The following NOTCH1 variants were observed in gnomAD, a reference collection of about 807,000 sequenced individuals.
NOTCH1 encodes notch receptor 1, also known as neurogenic locus notch homolog protein 1.
NOTCH1 carries 37 observed loss-of-function variants against 254.8 expected under a neutral mutation model. The ratio of observed to expected loss-of-function variants is 0.15; its 90% confidence interval spans 0.11 to 0.19. The LOEUF is 0.19. Among genes scored for constraint, NOTCH1 ranks in the 10% least tolerant of loss-of-function variants. The pLI is 1.00. For synonymous variants in NOTCH1, 1,731 were observed against 1,618.1 expected, an observed-to-expected ratio of 1.07 and a Z score of -1.68; for missense variants, 2,972 against 3,708.6, an observed-to-expected ratio of 0.80 and a Z score of 5.16.
rs1455510244 is a variant in NOTCH1, at chr9:136,518,768, T to G, written c.922A>C (p.Asn308His). ...ECQLMPNACQ[N>H]GGTCHNTHGG... Reference sequence around the variant, plus strand: ...TGGGTGTTGTGGCAGGTCCCGCCGTTCTGGCAGGCATTTGGCATCAGCTGG... The same window carrying G: ...TGGGTGTTGTGGCAGGTCCCGCCGTGCTGGCAGGCATTTGGCATCAGCTGG... Residue 308 changes from asparagine to histidine, a missense_variant, in exon 6 of 34, where the codon AAC (asparagine) becomes CAC (histidine). Physicochemically the swap from Asn to His is moderately conservative, Grantham distance 68. Coordinates refer to ENST00000651671, the MANE Select transcript of NOTCH1 (RefSeq NM_017617.5). 3.1e-6 allele frequency: 5 copies of G among 1,612,894 alleles called. No homozygotes were observed. Among genetic ancestry groups the G allele is most frequent in the Non-Finnish European group, 4.2e-6 (5 of 1,179,992 alleles).
In NOTCH1 at chr9:136,513,302, T is replaced by C. The variant is rs1021764323; in HGVS notation, c.2353+90A>G. 8.2e-6 allele frequency: 13 copies of C among 1,586,882 alleles called. No homozygotes were observed. The highest frequency in any genetic ancestry group is 1.8e-4 in the Middle Eastern group (1 of 5,408). ...CACGGGAGGGAGACACCATGCATGG[T>C]GCTGGCTGGACCTGGGTCCCGATCC... On this transcript the variant is annotated intron_variant, in intron 14 of 33. Transcript: ENST00000651671. The surrounding 1 kb of genome is among the most constrained non-coding windows in gnomAD (Gnocchi z 4.7).
At chr9:136,528,808 C>CA (rs1465260216) in intron 2 of NOTCH1, among the ~76,000 whole-genome samples, 4 of 152,114 alleles carry the variant, frequency 2.6e-5, no homozygotes, top group African/African-American at 9.7e-5. Context: ...CCCCTGGCAG[C>CA]AGTGTGGTCC....
At chr9:136,508,484 G>A in intron 19 of NOTCH1, 99 bp from the exon 20 acceptor site, 8 of 1,542,962 alleles carry the variant, frequency 5.2e-6, no homozygotes, top group Non-Finnish European at 7.1e-6. Flanking sequence ...AACCCAGGCT[G>A]CAACCCATTC....
At chr9:136,522,379 C>G (rs568587375) in intron 4 of NOTCH1, among the ~76,000 whole-genome samples, 2 of 152,180 alleles carry the variant, frequency 1.3e-5, no homozygotes, top group South Asian at 4.1e-4. Flanking sequence ...ACACGGGGAT[C>G]GGGGAGCACT....
In NOTCH1 at chr9:136,496,389, G is replaced by T; in HGVS notation, c.7350C>A (p.Ser2450Arg). The change falls in exon 34 of 34, where the codon AGC (serine) becomes AGA (arginine). Residue 2450 changes from serine (S) to arginine (R), a missense_variant. This residue lies in a region of NOTCH1 where 529 missense variants were observed against 529.2 expected (regional missense o/e 1.00). Coordinates refer to ENST00000651671, the MANE Select transcript of NOTCH1 (RefSeq NM_017617.5). ...GGGGCAGAATAGTGTGCACCGCCAGGCTGCTGGGGCCCAGTGGCTGCACGT... is the reference window on the plus strand; with the variant it reads ...GGGGCAGAATAGTGTGCACCGCCAGTCTGCTGGGGCCCAGTGGCTGCACGT... ...QADVQPLGPS[S>R]LAVHTILPQE... The T allele has an allele frequency of 6.3e-7, 1 of 1,597,972 alleles. No individual in the cohort carries two copies. Among genetic ancestry groups the T allele is most frequent in the Non-Finnish European group, 8.5e-7 (1 of 1,178,272 alleles).
intron 15 of NOTCH1, among the ~76,000 whole-genome samples, chr9:136,512,631 G>A (rs879767113): frequency 8.5e-5 from 13 of 152,200 alleles, no homozygotes; most frequent in Non-Finnish European, 1.6e-4. Context: ...CAGGGTGGGC[G>A]CCGGGAGCAC....
At chr9:136,503,404 G>C (rs1385864494) in intron 26 of NOTCH1, 74 bp from the exon 27 acceptor site, 1 of 1,600,556 alleles carries the variant, frequency 6.2e-7, no homozygotes, top group Non-Finnish European at 8.5e-7. Context: ...GGATGCTGCC[G>C]CAGGACACTG....
Position 136,496,170 on chromosome 9 carries a change from C to T in NOTCH1, c.7569G>A (p.Ser2523=), listed in dbSNP as rs534623042. Residue 2523 remains serine (S), a synonymous_variant, in exon 34 of 34, where the codon TCG becomes TCA. Coordinates refer to ENST00000651671, the MANE Select transcript of NOTCH1 (RefSeq NM_017617.5). ...AGTCGGAGACGTTGGAATGCGGGGA[C>T]GAGCTGGACCACTGGTCAGGGGACT... ...SPESPDQWSS[S]SPHSNVSDWS... The T allele has an allele frequency of 2.7e-5, 43 of 1,610,160 alleles. No individual in the cohort carries two copies. Among genetic ancestry groups the T allele is most frequent in the South Asian group, 2.6e-4 (23 of 90,190 alleles).
rs2133336710 is a variant in NOTCH1, at chr9:136,504,890, G to A, written c.4801C>T (p.His1601Tyr). 1 of 1,584,194 alleles carries A rather than the reference G, an allele frequency of 6.3e-7. No homozygotes were observed. Among genetic ancestry groups the A allele is most frequent in the Non-Finnish European group, 8.6e-7 (1 of 1,165,806 alleles). Residue 1601 changes from histidine to tyrosine, a missense_variant, in exon 26 of 34, where the codon CAC becomes TAC. Physicochemically the swap from His to Tyr is moderately conservative, Grantham distance 83. Around this residue, in one of 8 missense-constraint regions of NOTCH1, gnomAD observed 1,343 missense variants for 1,557.0 expected, o/e 0.86. Coordinates refer to ENST00000651671, the MANE Select transcript of NOTCH1 (RefSeq NM_017617.5). ...TCACGCTTGAAGACCACGTTGGTGT[G>A]CAGCACGCGGCTGAGCTCCCGCAGG... ...HFLRELSRVL[H>Y]TNVVFKRDAH... is the part of the protein sequence containing the mutation.
At chr9:136,499,029 G>C (rs1205046890) in intron 32 of NOTCH1, 33 bp from the exon 33 acceptor site, 7 of 1,612,706 alleles carry the variant, frequency 4.3e-6, no homozygotes, top group East Asian at 2.2e-5. Context: ...GTAGGTTGGA[G>C]ACCAGCTGGA....
Position 136,522,882 on chromosome 9 carries a change from C to A in NOTCH1, c.710G>T (p.Gly237Val). 6.5e-7 allele frequency: 1 copy of A among 1,527,260 alleles called. No individual in the cohort carries two copies. The highest frequency in any genetic ancestry group is 1.2e-5 in the South Asian group (1 of 81,858). The allele number at this position is 1,527,260 out of a possible 1,614,324, so 94.6% of individuals were successfully genotyped here. A position where few individuals can be genotyped will look rare whatever the true frequency, so the allele number is the denominator to read the frequency against. Residue 237 changes from glycine (G) to valine (V), a missense_variant, in exon 4 of 34, where the codon GGC becomes GTC. Physicochemically the swap from Gly to Val is moderately radical, Grantham distance 109. This residue lies in a region of NOTCH1 where 374 missense variants were observed against 496.3 expected (regional missense o/e 0.75). Transcript: ENST00000651671. Reference protein sequence around the residue: ...CQNGGTCRPTGDVTHECACLP... With the variant: ...CQNGGTCRPTVDVTHECACLP... The stretch of plus-strand genomic sequence containing the variant: ...GCAGGCACACTCGTGGGTGACGTCG[C>A]CCGTGGGGCGGCAGGTGCCCCCGTT...
At chr9:136,532,497 G>A (rs1843577260) in intron 2 of NOTCH1, among the ~76,000 whole-genome samples, 1 of 152,124 alleles carries the variant, frequency 6.6e-6, no homozygotes, top group Non-Finnish European at 1.5e-5. Flanking sequence ...CCTTCCTGGA[G>A]GGGCCCCCAC....
At chr9:136,535,135 C>G (rs1487142305) in intron 2 of NOTCH1, among the ~76,000 whole-genome samples, 1 of 144,966 alleles carries the variant, frequency 6.9e-6, no homozygotes, top group African/African-American at 2.6e-5. Flanking sequence ...CGCTGCCCCA[C>G]CCCCGCCCCA....
Position 136,507,437 on chromosome 9 carries a change from A to G in NOTCH1, c.3511T>C (p.Cys1171Arg), listed in dbSNP as rs1843106724. The G allele has an allele frequency of 6.2e-7, 1 of 1,603,622 alleles. No homozygotes were observed. The highest frequency in any genetic ancestry group is 1.3e-5 in the African/African-American group (1 of 74,844). ...TTCACCCCGTGGTAGCCGGCCACGC[A>G]CTGTGCAGGCGACAGAACGAGGGGC... ...TDYLGGYSCK[C>R]VAGYHGVNCS... Residue 1171 changes from cysteine to arginine, a missense_variant and splice_region_variant, in exon 22 of 34, where the codon TGC (cysteine) becomes CGC (arginine). Coordinates refer to ENST00000651671, the MANE Select transcript of NOTCH1 (RefSeq NM_017617.5).
rs189804871 is a variant in NOTCH1 at position 136,533,131 on chromosome 9, G to A, written c.141-9152C>T. 4.7e-3 allele frequency among the ~76,000 whole-genome samples: 213 copies of A among 45,524 alleles called. 80 individuals are homozygous for A. The highest frequency in any genetic ancestry group is 0.021 in the African/African-American group (176 of 8,580). The allele number at this position is 45,524 out of a possible 152,430, so 29.9% of individuals were successfully genotyped here. A position where few individuals can be genotyped will look rare whatever the true frequency, so the allele number is the denominator to read the frequency against. On this transcript the variant is annotated intron_variant, in intron 2 of 33. Transcript: ENST00000651671. The stretch of plus-strand genomic sequence containing the variant: ...GCCCGGCCTCCCCACCTGGCTCTCC[G>A]TCAGACAGGAATGAGGCCAGCCTCC...
chr9:136,495,952 AT>A lies in NOTCH1; in HGVS notation c.*118del. On this transcript the variant is annotated 3_prime_UTR_variant, in exon 34 of 34. Transcript: ENST00000651671. ...AAAAAAAATTAAAATCCTCGTTCTT[AT>A]TTTGTATAAAAACATGTGTTTTAAA... The A allele has an allele frequency of 9.2e-7, 1 of 1,091,006 alleles. No homozygotes were observed. Among genetic ancestry groups the A allele is most frequent in the South Asian group, 1.6e-5 (1 of 62,898 alleles). The allele number at this position is 1,091,006 out of a possible 1,614,324, so 67.6% of individuals were successfully genotyped here. A position where few individuals can be genotyped will look rare whatever the true frequency, so the allele number is the denominator to read the frequency against.
intron 2 of NOTCH1, among the ~76,000 whole-genome samples, chr9:136,533,624 A>AG (rs962226193): frequency 1.3e-5 from 2 of 152,212 alleles, no homozygotes; most frequent in Admixed American, 1.3e-4. Context: ...CTCTCTGGCC[A>AG]GGGTCAGGGC....
rs1564217048 is a variant in NOTCH1, at chr9:136,545,589, C to A, written c.61+137G>T. On this transcript the variant is annotated intron_variant, in intron 1 of 33. Coordinates refer to ENST00000651671, the MANE Select transcript of NOTCH1 (RefSeq NM_017617.5). This position sits in a 1 kb window ranked among gnomAD's most constrained non-coding sequence, Gnocchi z 6.8. ...GATCCCGGGACTCCAGAACCCCACG[C>A]CCCGGGCCGCCCGCTTTTCCCTCTC... The A allele has an allele frequency of 1.6e-6, 1 of 617,020 alleles. No homozygotes were observed. Among genetic ancestry groups the A allele is most frequent in the South Asian group, 2.1e-5 (1 of 46,656 alleles). 38.2% of individuals were successfully genotyped at this position (617,020 alleles called of 1,614,324 possible).
Position 136,507,569 on chromosome 9 carries a change from C to T in NOTCH1, c.3511-132G>A, listed in dbSNP as rs976559932. The T allele has an allele frequency of 6.9e-6, 9 of 1,295,366 alleles. 1 individual carries two copies. The Admixed American group carries it at 9.9e-5, about 14-fold the overall frequency. The allele number at this position is 1,295,366 out of a possible 1,614,324, so 80.2% of individuals were successfully genotyped here. On this transcript the variant is annotated intron_variant, in intron 21 of 33. Transcript: ENST00000651671. ...GTCCAGCGAAGCCACGGGCCCCTCG[C>T]TCCTGTCAGACCTGGAGAGAGACCC...
Sources: gnomAD v4.1 joint callset for allele counts (sites outside exome capture counted in the v4.1 genomes callset) on GRCh38, gnomAD v4.1.1 for gene constraint, gnomAD v4.1.1 regional missense constraint, Gnocchi (gnomAD v3.1) non-coding constraint, MANE v1.5 for transcripts, NCBI Gene and HGNC (gene_info 2026-07-23, HGNC 2026-07-21) for gene names.